The following CDYL variants were observed in gnomAD, a reference collection of about 807,000 sequenced individuals.
The protein encoded by CDYL is chromodomain Y-like protein.
CDYL carries 8 observed loss-of-function variants against 47.3 expected under a neutral mutation model. That is an observed-to-expected ratio of 0.17 (90% CI 0.10 to 0.31). The LOEUF (loss-of-function observed/expected upper bound fraction) is 0.31. CDYL is among the 10% of genes least tolerant of loss of function. CDYL has a pLI of 1.00. For missense variants in CDYL, 471 were observed against 701.4 expected, an observed-to-expected ratio of 0.67 and a Z score of 3.71; for synonymous variants, 266 against 265.0, an observed-to-expected ratio of 1.00 and a Z score of -0.04.
chr6:4,952,737 C>A (rs2793264), intron 6 of CDYL, among the ~76,000 whole-genome samples: 15 of 151,380 alleles, frequency 9.9e-5, no homozygotes, highest in South Asian at 2.1e-4. Flanking sequence ...AGCTTCTCCC[C>A]TGTTTCCCCA....
chr6:4,906,440 C>G (rs1330249640), intron 2 of CDYL, among the ~76,000 whole-genome samples: 1 of 152,214 alleles, frequency 6.6e-6, no homozygotes, highest in Non-Finnish European at 1.5e-5. Flanking sequence ...TGACCCTTCT[C>G]TGGGAGTGCG....
intron 1 of CDYL, among the ~76,000 whole-genome samples, chr6:4,856,828 A>G (rs1206191399): frequency 6.6e-6 from 1 of 152,196 alleles, no homozygotes; most frequent in Non-Finnish European, 1.5e-5. Context: ...TCAAGAAGAT[A>G]ATAGAATCAT....
At chr6:4,850,977 G>A (rs1760806707) in intron 1 of CDYL, among the ~76,000 whole-genome samples, 1 of 152,134 alleles carries the variant, frequency 6.6e-6, no homozygotes, top group South Asian at 2.1e-4. Flanking sequence ...GAGGCACATG[G>A]CAATGACTAA....
chr6:4,752,899 T>C (rs1226034713), intron 3 of CDYL, among the ~76,000 whole-genome samples: 1 of 150,428 alleles, frequency 6.6e-6, no homozygotes, highest in Non-Finnish European at 1.5e-5. Context: ...TAGGTAGGTA[T>C]GTAGGTAGGT....
chr6:4,944,966 G>A (rs536669387), intron 5 of CDYL, among the ~76,000 whole-genome samples: 66 of 152,256 alleles, frequency 4.3e-4, no homozygotes, highest in African/African-American at 1.5e-3. Flanking sequence ...CTCATCATGA[G>A]GAACGTCAGG....
intron 1 of CDYL, among the ~76,000 whole-genome samples, chr6:4,837,513 G>C (rs1304783776): frequency 6.9e-6 from 1 of 145,868 alleles, no homozygotes; most frequent in Non-Finnish European, 1.5e-5. Context: ...CGCCCAGGCT[G>C]GAGTGCAGTG....
At chr6:4,810,086 C>G (rs1581181274) in intron 1 of CDYL, among the ~76,000 whole-genome samples, 2 of 151,990 alleles carry the variant, frequency 1.3e-5, no homozygotes, top group Admixed American at 1.3e-4. Flanking sequence ...CATACTTTCT[C>G]CCCGTTGGCT....
intron 3 of CDYL, among the ~76,000 whole-genome samples, chr6:4,750,441 A>T (rs1371507950): frequency 3.3e-5 from 5 of 152,024 alleles, no homozygotes. Context: ...ACCTCAACTG[A>T]CCCACCTGCC....
At chr6:4,823,240 C>T (rs190202155) in intron 1 of CDYL, among the ~76,000 whole-genome samples, 1 of 152,240 alleles carries the variant, frequency 6.6e-6, no homozygotes, top group Non-Finnish European at 1.5e-5. Context: ...TGATCTTATC[C>T]ATGATGGGTT....
intron 3 of CDYL, among the ~76,000 whole-genome samples, chr6:4,769,929 G>A (rs536330655): frequency 5.9e-5 from 9 of 151,870 alleles, no homozygotes; most frequent in East Asian, 5.8e-4. Context: ...CCCAAGTAGC[G>A]GGGACTACAG....
chr6:4,820,438 G>T (rs954244778), intron 1 of CDYL, among the ~76,000 whole-genome samples: 3 of 151,906 alleles, frequency 2.0e-5, no homozygotes, highest in Non-Finnish European at 4.4e-5. Flanking sequence ...TTGTACCACG[G>T]TAAAGAGATG....
intron 2 of CDYL, among the ~76,000 whole-genome samples, chr6:4,924,643 T>C (rs762801708): frequency 6.6e-5 from 10 of 152,228 alleles, no homozygotes; most frequent in Non-Finnish European, 1.2e-4. Flanking sequence ...TGGATGGTTT[T>C]ATTTTTAGGG....
intron 2 of CDYL, among the ~76,000 whole-genome samples, chr6:4,902,421 A>AT (rs57339010): frequency 2.0e-5 from 3 of 151,086 alleles, no homozygotes; most frequent in Non-Finnish European, 4.4e-5. Flanking sequence ...AAAAAAAAAA[A>AT]GACAGTAGGT....
chr6:4,937,533 T>C, intron 3 of CDYL, 32 bp from the exon 4 acceptor site: 1 of 1,494,832 alleles, frequency 6.7e-7, no homozygotes, highest in South Asian at 1.3e-5. Context: ...CCCAAAATAT[T>C]CTTTGCCACT....
intron 2 of CDYL, among the ~76,000 whole-genome samples, chr6:4,734,541 T>C (rs1328180348): frequency 1.3e-5 from 2 of 152,200 alleles, no homozygotes; most frequent in Non-Finnish European, 2.9e-5. Flanking sequence ...TCTGTCTGCT[T>C]TCTCTTCATC....
intron 1 of CDYL, among the ~76,000 whole-genome samples, chr6:4,781,072 C>T (rs1758606015): frequency 6.6e-6 from 1 of 152,098 alleles, no homozygotes; most frequent in Non-Finnish European, 1.5e-5. Flanking sequence ...TAGTCTTGAC[C>T]TTCTGAGAGA....
intron 4 of CDYL, among the ~76,000 whole-genome samples, chr6:4,939,492 G>GT (rs1758299954): frequency 6.6e-6 from 1 of 152,194 alleles, no homozygotes. Flanking sequence ...ATGTACACAT[G>GT]TATTTAGGAG....
intron 1 of CDYL, among the ~76,000 whole-genome samples, chr6:4,852,332 T>TTCCC (rs1391224517): frequency 6.6e-6 from 1 of 151,098 alleles, no homozygotes; most frequent in East Asian, 2.0e-4. Flanking sequence ...CCTTCCTTCC[T>TTCCC]TCCCTCCTTC....
intron 5 of CDYL, among the ~76,000 whole-genome samples, chr6:4,948,004 C>T (rs935184535): frequency 2.0e-5 from 3 of 152,160 alleles, no homozygotes; most frequent in Admixed American, 6.5e-5. Flanking sequence ...TTACACCGTA[C>T]TGCACGCACC....
Sources: gnomAD v4.1 joint callset for allele counts (sites outside exome capture counted in the v4.1 genomes callset) on GRCh38, gnomAD v4.1.1 for gene constraint, MANE v1.5 for transcripts, NCBI Gene and HGNC (gene_info 2026-07-23, HGNC 2026-07-21) for gene names.